The following PLCG2 variants were observed in gnomAD, a reference collection of about 807,000 sequenced individuals.
The protein encoded by PLCG2 is phospholipase C gamma 2.
In PLCG2, 69 loss-of-function variants were observed where a neutral mutation model predicts 175.6. That is an observed-to-expected ratio of 0.39 (90% CI 0.32 to 0.48). The LOEUF is 0.48. Among genes scored for constraint, PLCG2 ranks in the 20% least tolerant of loss-of-function variants. The probability of loss-of-function intolerance (pLI) is 0.91; values close to 1 mark genes in which losing one functional copy is unlikely to be tolerated. For missense variants in PLCG2, 1,798 were observed against 1,650.9 expected (o/e 1.09, Z -1.54); for synonymous variants, 827 against 624.0 (o/e 1.33, Z -4.85).
intron 1 of PLCG2, among the ~76,000 whole-genome samples, chr16:81,754,608 A>G (rs1168547856): frequency 6.7e-6 from 1 of 149,820 alleles, no homozygotes; most frequent in Non-Finnish European, 1.5e-5. Context: ...AGGACCTGGT[A>G]AGGTGTAGGT....
chr16:81,876,956 G>A (rs1226440902), intron 7 of PLCG2, among the ~76,000 whole-genome samples: 1 of 152,196 alleles, frequency 6.6e-6, no homozygotes, highest in Non-Finnish European at 1.5e-5. Flanking sequence ...GGTGGGCCTG[G>A]GTTGAAATTC....
intron 2 of PLCG2, among the ~76,000 whole-genome samples, chr16:81,793,534 C>T (rs531758839): frequency 6.6e-6 from 1 of 152,246 alleles, no homozygotes; most frequent in Non-Finnish European, 1.5e-5. Flanking sequence ...GGCTTTTTAT[C>T]CTGACATTTT....
intron 2 of PLCG2, among the ~76,000 whole-genome samples, chr16:81,808,912 A>T (rs1334247941): frequency 6.6e-6 from 1 of 152,186 alleles, no homozygotes; most frequent in African/African-American, 2.4e-5. Context: ...CAGGGGAGAC[A>T]TGAGCTTGGT....
chr16:81,767,261 C>T (rs1394527554), intron 2 of PLCG2, among the ~76,000 whole-genome samples: 1 of 148,752 alleles, frequency 6.7e-6, no homozygotes, highest in Non-Finnish European at 1.5e-5. Context: ...TCTTGTGCCT[C>T]AGCCTCCCGA....
intron 2 of PLCG2, among the ~76,000 whole-genome samples, chr16:81,763,835 C>G (rs1910089533): frequency 6.6e-6 from 1 of 151,576 alleles, no homozygotes; most frequent in Non-Finnish European, 1.5e-5. Context: ...GGCGTGGTGG[C>G]AGGCACTTGT....
intron 9 of PLCG2, among the ~76,000 whole-genome samples, chr16:81,886,371 A>T (rs1908367835): frequency 6.6e-6 from 1 of 152,320 alleles, no homozygotes; most frequent in South Asian, 2.1e-4. Flanking sequence ...AGATGCTCAT[A>T]TGGAATAATC....
rs1323851944 is a variant in PLCG2 at position 81,957,998 on chromosome 16, G to C, written c.3798G>C (p.Ter1266TyrextTer19). 3.1e-6 allele frequency: 5 copies of C among 1,609,358 alleles called. No individual in the cohort carries two copies. The highest frequency in any genetic ancestry group is 4.3e-6 in the Non-Finnish European group (5 of 1,175,816). Reference protein sequence around the residue: ...KRVSNSKFYS* With the variant: ...KRVSNSKFYSY ...TCAGCAACAGCAAGTTTTACTCATA[G>C]AAGCTGGGGTATGTGTGTAAGGGTA... Residue 1266 changes from the stop codon to tyrosine (Y), a stop_lost, in exon 33 of 33, where the codon TAG becomes TAC. Coordinates refer to ENST00000564138, the MANE Select transcript of PLCG2 (RefSeq NM_002661.5).
chr16:81,926,789 G>T (rs960446121), intron 22 of PLCG2, among the ~76,000 whole-genome samples: 8 of 152,178 alleles, frequency 5.3e-5, no homozygotes, highest in Non-Finnish European at 1.2e-4. Flanking sequence ...TGTCTTGTAT[G>T]GTCTCTGACT....
upstream of PLCG2, among the ~76,000 whole-genome samples, chr16:81,778,023 A>AAAAAAAC (rs1910490941): frequency 8.7e-5 from 7 of 80,154 alleles, 1 homozygote; most frequent in Admixed American, 2.3e-4. Flanking sequence ...TCTCAAAAAA[A>AAAAAAAC]AAAAAAAACA....
At chr16:81,776,669 C>G (rs1910415550), upstream of PLCG2, among the ~76,000 whole-genome samples, 2 of 152,180 alleles carry the variant, frequency 1.3e-5, no homozygotes, top group African/African-American at 4.8e-5. Flanking sequence ...ATTCTGCTAC[C>G]TCAGACTCGT....
At chr16:81,803,445 G>T (rs1231125507) in intron 2 of PLCG2, among the ~76,000 whole-genome samples, 1 of 151,914 alleles carries the variant, frequency 6.6e-6, no homozygotes, top group South Asian at 2.1e-4. Context: ...ACCATATTTT[G>T]TTTATCCATT....
At chr16:81,864,121 G>A (rs61472325) in intron 5 of PLCG2, among the ~76,000 whole-genome samples, 17 of 152,248 alleles carry the variant, frequency 1.1e-4, no homozygotes, top group East Asian at 3.9e-4. Flanking sequence ...AGCATGCACC[G>A]GAATCCCCTG....
intron 5 of PLCG2, among the ~76,000 whole-genome samples, chr16:81,861,180 A>G (rs1906963656): frequency 6.6e-6 from 1 of 150,896 alleles, no homozygotes; most frequent in Admixed American, 6.6e-5. Flanking sequence ...TTTTTTTGGT[A>G]AAATATTCCT....
At chr16:81,788,654 C>G (rs1045717600) in intron 2 of PLCG2, among the ~76,000 whole-genome samples, 3 of 152,172 alleles carry the variant, frequency 2.0e-5, no homozygotes, top group Non-Finnish European at 4.4e-5. Context: ...CACAGGTAGA[C>G]TTTGGTAGCT....
chr16:81,817,482 T>TA (rs1311848036), intron 2 of PLCG2, among the ~76,000 whole-genome samples: 2 of 152,216 alleles, frequency 1.3e-5, no homozygotes, highest in Admixed American at 1.3e-4. Flanking sequence ...CGCAAGGCAC[T>TA]AGGGTGGTTT....
chr16:81,744,295 G>A (rs530573919), intron 1 of PLCG2, among the ~76,000 whole-genome samples: 8 of 151,776 alleles, frequency 5.3e-5, no homozygotes, highest in African/African-American at 1.9e-4. Context: ...CTCCCAAGTA[G>A]CTGGGATTAC....
intron 9 of PLCG2, among the ~76,000 whole-genome samples, chr16:81,884,537 C>G: frequency 6.6e-6 from 1 of 152,154 alleles, no homozygotes; most frequent in East Asian, 1.9e-4. Context: ...GTTTCCCCCT[C>G]TTTAAGTGGG....
chr16:81,879,313 T>C (rs970798855), intron 7 of PLCG2, among the ~76,000 whole-genome samples: 1 of 152,168 alleles, frequency 6.6e-6, no homozygotes, highest in African/African-American at 2.4e-5. Flanking sequence ...CAACATGCCC[T>C]GTCTAAAATC....
rs570533273 is a variant in PLCG2 at position 81,801,006 on chromosome 16, A to G, written c.193+14824A>G. On this transcript the variant is annotated intron_variant, in intron 2 of 32. Coordinates refer to ENST00000564138, the MANE Select transcript of PLCG2 (RefSeq NM_002661.5). The stretch of plus-strand genomic sequence containing the variant: ...TGGCTTGTGCAAGCTGGAAAAGGCA[A>G]AGGAACTCATTCTCCCCTAGAGGGT... Among the ~76,000 whole-genome samples the G allele has an allele frequency of 2.6e-5, 4 of 152,224 alleles. No individual in the cohort carries two copies. The South Asian group carries it at 6.2e-4, about 24-fold the overall frequency.
Sources: allele counts gnomAD v4.1 joint callset (sites outside exome capture counted in the v4.1 genomes callset), GRCh38; gene constraint gnomAD v4.1.1; transcripts MANE v1.5; gene names NCBI Gene and HGNC (gene_info 2026-07-23, HGNC 2026-07-21).